RAB7A: variants seen among roughly 807,000 people sequenced by gnomAD.
RAB7A encodes RAB7A, member RAS oncogene family.
A neutral mutation model predicts 24.5 loss-of-function variants in RAB7A; 2 were observed. The observed-to-expected ratio is 0.08, with a 90% CI of 0.03 to 0.26. The LOEUF is 0.26. RAB7A is among the 10% of genes least tolerant of loss of function. RAB7A has a pLI of 1.00. For missense variants in RAB7A, 118 were observed against 255.7 expected, an observed-to-expected ratio of 0.46 and a Z score of 3.67; for synonymous variants, 100 against 95.9, an observed-to-expected ratio of 1.04 and a Z score of -0.25.
intron 1 of RAB7A, among the ~76,000 whole-genome samples, chr3:128,753,911 T>TA (rs1191347922): frequency 6.6e-6 from 1 of 152,080 alleles, no homozygotes; most frequent in Admixed American, 6.6e-5. Context: ...GTGCTGTGGT[T>TA]ACAGGTGTGA....
chr3:128,769,648 A>G (rs908503166), intron 1 of RAB7A, among the ~76,000 whole-genome samples: 5 of 152,206 alleles, frequency 3.3e-5, no homozygotes, highest in Non-Finnish European at 4.4e-5. Flanking sequence ...CAATTTGTCA[A>G]TCCTTCTAGG....
Position 128,732,996 on chromosome 3 carries a change from G to A in RAB7A, c.-9+6637G>A, listed in dbSNP as rs147267573. 3.3e-5 allele frequency among the ~76,000 whole-genome samples: 5 copies of A among 152,296 alleles called. No homozygotes were observed. In the East Asian group the frequency reaches 7.7e-4, roughly 23 times the overall value. Reference sequence around the variant, plus strand: ...TATTTTTCAAATGTTTGTTGGTAACGAGTGAGGAACCTGATGCATCCAGCT... The same window carrying A: ...TATTTTTCAAATGTTTGTTGGTAACAAGTGAGGAACCTGATGCATCCAGCT... On this transcript the variant is annotated intron_variant, in intron 1 of 5. Coordinates refer to ENST00000265062, the MANE Select transcript of RAB7A (RefSeq NM_004637.6).
At chr3:128,790,806 T>A (rs534851346) in intron 1 of RAB7A, among the ~76,000 whole-genome samples, 1 of 152,322 alleles carries the variant, frequency 6.6e-6, no homozygotes, top group South Asian at 2.1e-4. Flanking sequence ...CATTTGTGTT[T>A]TAGGGGAAGG....
chr3:128,784,400 T>C (rs560493688), intron 1 of RAB7A, among the ~76,000 whole-genome samples: 3 of 152,208 alleles, frequency 2.0e-5, no homozygotes, highest in Non-Finnish European at 2.9e-5. Context: ...CATTCTCTTC[T>C]GCTTTCACAC....
At chr3:128,797,291 G>C (rs1414980313) in intron 2 of RAB7A, among the ~76,000 whole-genome samples, 1 of 151,878 alleles carries the variant, frequency 6.6e-6, no homozygotes, top group Non-Finnish European at 1.5e-5. Context: ...CACTGGCTAT[G>C]GGGGGGAAGG....
In RAB7A at chr3:128,799,331, A is replaced by G. The variant is rs1215536369; in HGVS notation, c.180+1262A>G. The G allele has an allele frequency of 2.6e-5, 4 of 151,396 alleles. No homozygotes were observed. The South Asian group carries it at 6.2e-4, about 24-fold the overall frequency. The allele number at this position is 151,396 out of a possible 1,614,324, so 9.4% of individuals were successfully genotyped here. A position where few individuals can be genotyped will look rare whatever the true frequency, so the allele number is the denominator to read the frequency against. ...TGTTGGTGGATATGTCTCTGCTTCC[A>G]GCAGGGCCTGTATACCCACCTGAAG... On this transcript the variant is annotated intron_variant, in intron 3 of 5. Transcript: ENST00000265062.
chr3:128,785,727 C>T (rs367963896), intron 1 of RAB7A, among the ~76,000 whole-genome samples: 4 of 139,354 alleles, frequency 2.9e-5, no homozygotes, highest in East Asian at 4.0e-4. Context: ...CCAACCTGGG[C>T]GACAGAGCAA....
At chr3:128,758,722 G>C (rs186620303) in intron 1 of RAB7A, among the ~76,000 whole-genome samples, 2 of 152,252 alleles carry the variant, frequency 1.3e-5, no homozygotes, top group East Asian at 1.9e-4. Flanking sequence ...TCATATATCA[G>C]ATAAAAGGGT....
At chr3:128,776,256 A>G (rs1274726061) in intron 1 of RAB7A, among the ~76,000 whole-genome samples, 1 of 151,898 alleles carries the variant, frequency 6.6e-6, no homozygotes, top group Non-Finnish European at 1.5e-5. Flanking sequence ...TCCATTGTGC[A>G]TATATGCCAC....
intron 1 of RAB7A, among the ~76,000 whole-genome samples, chr3:128,735,595 C>A (rs557059592): frequency 6.6e-6 from 1 of 152,312 alleles, no homozygotes; most frequent in African/African-American, 2.4e-5. Flanking sequence ...CTTAAACTTT[C>A]AGAGAGTTGC....
intron 5 of RAB7A, among the ~76,000 whole-genome samples, chr3:128,812,528 T>C (rs1933949366): frequency 1.3e-5 from 2 of 152,262 alleles, no homozygotes; most frequent in African/African-American, 4.8e-5. Flanking sequence ...CAGTTCCTGC[T>C]TTATCTCCAA....
chr3:128,738,876 G>A (rs1307335804), intron 1 of RAB7A, among the ~76,000 whole-genome samples: 2 of 152,242 alleles, frequency 1.3e-5, no homozygotes, highest in Non-Finnish European at 2.9e-5. Flanking sequence ...AAATCAGTGT[G>A]TCAGAAGCTG....
intron 1 of RAB7A, among the ~76,000 whole-genome samples, chr3:128,775,831 T>C (rs1347690141): frequency 6.6e-6 from 1 of 152,212 alleles, no homozygotes; most frequent in Non-Finnish European, 1.5e-5. Flanking sequence ...GAAATATATA[T>C]ACACACATTG....
At chr3:128,744,729 A>T (rs2070591811) in intron 1 of RAB7A, among the ~76,000 whole-genome samples, 1 of 152,206 alleles carries the variant, frequency 6.6e-6, no homozygotes, top group Non-Finnish European at 1.5e-5. Context: ...GGTCCTTGTG[A>T]AAAGCTAACC....
chr3:128,745,823 T>C (rs2070608642), intron 1 of RAB7A, among the ~76,000 whole-genome samples: 1 of 152,226 alleles, frequency 6.6e-6, no homozygotes, highest in Non-Finnish European at 1.5e-5. Flanking sequence ...GTGCCAGTTG[T>C]CCTCTTGACT....
chr3:128,764,797 T>C, intron 1 of RAB7A: 2 of 876,046 alleles, frequency 2.3e-6, no homozygotes, highest in Non-Finnish European at 3.8e-6. Flanking sequence ...ACGATAGTTT[T>C]GCAGCTTCAT....
At chr3:128,801,400 G>A (rs1372770760) in intron 3 of RAB7A, among the ~76,000 whole-genome samples, 2 of 3,316 alleles carry the variant, frequency 6.0e-4, no homozygotes, top group Admixed American at 4.6e-3. Flanking sequence ...ATAAGAGGAT[G>A]GGGGGAACCT....
chr3:128,796,598 C>T lies in RAB7A; in HGVS notation c.53+1178C>T, dbSNP rs142915948. 1.1e-3 allele frequency among the ~76,000 whole-genome samples: 175 copies of T among 152,304 alleles called. 1 individual carries two copies. The highest frequency in any genetic ancestry group is 3.8e-3 in the African/African-American group (159 of 41,570). On this transcript the variant is annotated intron_variant, in intron 2 of 5. Coordinates refer to ENST00000265062, the MANE Select transcript of RAB7A (RefSeq NM_004637.6). ...TGCTTCTTTATTCCAAAGTCCCCTG[C>T]CCTTCCTTTGAAAAGCCAGAGGTTT...
chr3:128,795,671 C>G (rs1159603401), intron 2 of RAB7A, among the ~76,000 whole-genome samples: 3 of 151,340 alleles, frequency 2.0e-5, no homozygotes, highest in Non-Finnish European at 4.4e-5. Context: ...TTCATGGAAT[C>G]CCTTTTCTCC....
Sources: gnomAD v4.1 joint callset for allele counts (sites outside exome capture counted in the v4.1 genomes callset) on GRCh38, gnomAD v4.1.1 for gene constraint, MANE v1.5 for transcripts, NCBI Gene and HGNC (gene_info 2026-07-23, HGNC 2026-07-21) for gene names.